VTI1B: variants seen among roughly 807,000 people sequenced by gnomAD.
The protein encoded by VTI1B is vesicle transport through interaction with t-SNAREs 1B.
A neutral mutation model predicts 28.6 loss-of-function variants in VTI1B; 18 were observed. That is an observed-to-expected ratio of 0.63 (90% CI 0.43 to 0.93). The LOEUF (loss-of-function observed/expected upper bound fraction) is 0.93, where lower values mean the gene tolerates loss of function less well. Ranked by LOEUF, VTI1B falls within the 40% of genes least tolerant of loss-of-function variation. The pLI is 0.00. For synonymous variants in VTI1B, 100 were observed against 107.9 expected, an observed-to-expected ratio of 0.93 and a Z score of 0.46; for missense variants, 283 against 297.0, an observed-to-expected ratio of 0.95 and a Z score of 0.35.
intron 1 of VTI1B, among the ~76,000 whole-genome samples, chr14:67,670,209 C>A (rs1486767112): frequency 1.3e-5 from 2 of 152,330 alleles, no homozygotes; most frequent in South Asian, 2.1e-4. Context: ...TAATGCCCTC[C>A]TTCTAAAAGA....
At chr14:67,668,240 A>G (rs1397741653) in intron 1 of VTI1B, among the ~76,000 whole-genome samples, 1 of 152,246 alleles carries the variant, frequency 6.6e-6, no homozygotes, top group Admixed American at 6.5e-5. Context: ...TTAGATTAAG[A>G]AATTATAGCA....
chr14:67,665,012 T>G (rs2037383130), intron 1 of VTI1B, among the ~76,000 whole-genome samples: 1 of 152,010 alleles, frequency 6.6e-6, no homozygotes, highest in South Asian at 2.1e-4. Context: ...GTTACAGGAG[T>G]GCACCACCAC....
intron 1 of VTI1B, among the ~76,000 whole-genome samples, chr14:67,671,236 T>C (rs1389831393): frequency 6.6e-6 from 1 of 151,994 alleles, no homozygotes; most frequent in East Asian, 1.9e-4. Flanking sequence ...CAACTTAGAG[T>C]ATTTTGTGGT....
chr14:67,666,902 T>G (rs2037408491), intron 1 of VTI1B, among the ~76,000 whole-genome samples: 1 of 152,078 alleles, frequency 6.6e-6, no homozygotes, highest in Admixed American at 6.6e-5. Flanking sequence ...TAACAACTGG[T>G]AAAATCTGTT....
In VTI1B at chr14:67,650,683, A is replaced by T; in HGVS notation, c.*702T>A. On this transcript the variant is annotated 3_prime_UTR_variant, in exon 6 of 6. Transcript: ENST00000554659. ...CCTCACTGAGAGTAGCAGCAAGGGA[A>T]CCTGAGGTTTTGTCACACTTTGTTC... The T allele has an allele frequency of 6.2e-7, 1 of 1,602,828 alleles. No individual in the cohort carries two copies. The highest frequency in any genetic ancestry group is 8.5e-7 in the Non-Finnish European group (1 of 1,171,140).
intron 3 of VTI1B, among the ~76,000 whole-genome samples, chr14:67,659,266 G>A (rs1242370333): frequency 1.3e-5 from 2 of 152,076 alleles, no homozygotes; most frequent in East Asian, 3.9e-4. Context: ...TTGACATTAA[G>A]GTAAAGGAAA....
intron 2 of VTI1B, among the ~76,000 whole-genome samples, chr14:67,661,046 CTTCATTGGGATAAGTGGGAAA>C (rs2037327358): frequency 6.6e-6 from 1 of 152,036 alleles, no homozygotes; most frequent in Admixed American, 6.6e-5. Flanking sequence ...CTTCTCAGAA[CTTCATTGGGATAAGTGGGAAA>C]TTGAAACACT....
rs945302666 is a variant in VTI1B, at chr14:67,650,657, C to CAT, written c.*727_*728insAT. On this transcript the variant is annotated 3_prime_UTR_variant, in exon 6 of 6. Coordinates refer to ENST00000554659, the MANE Select transcript of VTI1B (RefSeq NM_006370.3). ...TGTTCTCCCTGTCCCAGTGGGATGA[C>CAT]CCTCACTGAGAGTAGCAGCAAGGGA... is the stretch of plus-strand genomic sequence containing the variant. 6.7e-7 allele frequency: 1 copy of CAT among 1,493,138 alleles called. No individual in the cohort carries two copies. The highest frequency in any genetic ancestry group is 1.4e-5 in the African/African-American group (1 of 72,368). 92.5% of individuals were successfully genotyped at this position (1,493,138 alleles called of 1,614,324 possible). A position where few individuals can be genotyped will look rare whatever the true frequency, so the allele number is the denominator to read the frequency against.
At position 67,662,761 on chromosome 14, in the gene VTI1B, G is replaced by A. The variant is rs369681939; in HGVS notation, c.116-226C>T. Among the ~76,000 whole-genome samples, 47 of 152,038 alleles carry A rather than the reference G, an allele frequency of 3.1e-4. 1 individual carries two copies. The highest frequency in any genetic ancestry group is 6.8e-3 in the Middle Eastern group (2 of 294). ...TCTACTAACGATACAAAAATTAGCC[G>A]GGCGTGGTGGCAGGCACCTGTAATC... On this transcript the variant is annotated intron_variant, in intron 1 of 5. Coordinates refer to ENST00000554659, the MANE Select transcript of VTI1B (RefSeq NM_006370.3).
rs978102345 is a variant in VTI1B, at chr14:67,663,071, C to G, written c.116-536G>C. On this transcript the variant is annotated intron_variant, in intron 1 of 5. Transcript: ENST00000554659. ...TGTCTGGTGTGGTGCTTGTTTTTCT[C>G]TGGGTGTGGCACCGGCAATGACTTG... is the stretch of plus-strand genomic sequence containing the variant. The G allele has an allele frequency of 1.4e-5, 21 of 1,469,210 alleles. No individual in the cohort carries two copies. The African/African-American group carries it at 1.7e-4, about 12-fold the overall frequency. The allele number at this position is 1,469,210 out of a possible 1,614,324, so 91.0% of individuals were successfully genotyped here.
At chr14:67,661,538 T>C (rs1594837985) in intron 2 of VTI1B, among the ~76,000 whole-genome samples, 4 of 147,454 alleles carry the variant, frequency 2.7e-5, no homozygotes, top group African/African-American at 1.0e-4. Flanking sequence ...CCTTTTTTTT[T>C]TTTTTTTTTT....
chr14:67,657,624 C>CACACACA lies in VTI1B; in HGVS notation c.367-1036_367-1035insTGTGTGT, dbSNP rs1566812567. ...CACACACACACACACACACACACAC[C>CACACACA]CAAAATCAAAAGGGACCCAGCTCAC... On this transcript the variant is annotated intron_variant, in intron 3 of 5. Transcript: ENST00000554659. 7.2e-3 allele frequency among the ~76,000 whole-genome samples: 1,029 copies of CACACACA among 143,146 alleles called. 5 individuals carry two copies. Among genetic ancestry groups the CACACACA allele is most frequent in the Middle Eastern group, 0.019 (5 of 266 alleles). The allele number at this position is 143,146 out of a possible 152,430, so 93.9% of individuals were successfully genotyped here. A position where few individuals can be genotyped will look rare whatever the true frequency, so the allele number is the denominator to read the frequency against.
intron 2 of VTI1B, chr14:67,660,138 T>C (rs901833080): frequency 4.2e-6 from 2 of 480,348 alleles, no homozygotes; most frequent in South Asian, 6.9e-5. Flanking sequence ...TTCGAGTATA[T>C]GAACTGAATG....
chr14:67,650,950 C>A lies in VTI1B; in HGVS notation c.*435G>T, dbSNP rs1356498547. On this transcript the variant is annotated 3_prime_UTR_variant, in exon 6 of 6. Transcript: ENST00000554659. Reference sequence around the variant, plus strand: ...CACTGTGCACTGACATGTTTCACAACAGGCATTCCAGAATTATGAGGCATT... The same window carrying A: ...CACTGTGCACTGACATGTTTCACAAAAGGCATTCCAGAATTATGAGGCATT... 2 of 1,597,806 alleles carry A rather than the reference C, an allele frequency of 1.3e-6. No individual in the cohort carries two copies. Among genetic ancestry groups the A allele is most frequent in the African/African-American group, 2.7e-5 (2 of 74,590 alleles).
At chr14:67,674,211 T>C (rs1051767217) in intron 1 of VTI1B, among the ~76,000 whole-genome samples, 164 bp downstream of exon 1, 1 of 152,144 alleles carries the variant, frequency 6.6e-6, no homozygotes, top group Non-Finnish European at 1.5e-5. Context: ...TTACTCTCAG[T>C]GGCAGCAGGG....
At chr14:67,657,842 G>A (rs1046244855) in intron 3 of VTI1B, among the ~76,000 whole-genome samples, 5 of 147,596 alleles carry the variant, frequency 3.4e-5, no homozygotes, top group East Asian at 2.0e-4. Flanking sequence ...TCTGCCTCCC[G>A]GGCACAAGCA....
chr14:67,651,256 C>T lies in VTI1B; in HGVS notation c.*129G>A, dbSNP rs2037171731. 1 of 1,541,332 alleles carries T rather than the reference C, an allele frequency of 6.5e-7. No individual in the cohort carries two copies. The highest frequency in any genetic ancestry group is 2.3e-5 in the East Asian group (1 of 43,816). On this transcript the variant is annotated 3_prime_UTR_variant, in exon 6 of 6. Coordinates refer to ENST00000554659, the MANE Select transcript of VTI1B (RefSeq NM_006370.3). ...TTTTCATCTTTCCTCCCTCCTCCCA[C>T]AGCCTGGCTATACAGTGCATCCTTG... is the stretch of plus-strand genomic sequence containing the variant.
intron 1 of VTI1B, among the ~76,000 whole-genome samples, chr14:67,673,950 T>A (rs1198380972): frequency 1.3e-5 from 2 of 152,224 alleles, no homozygotes; most frequent in African/African-American, 2.4e-5. Flanking sequence ...CCCCAAATTA[T>A]GACTCCTTTG....
At chr14:67,671,160 T>C (rs927667031) in intron 1 of VTI1B, among the ~76,000 whole-genome samples, 3 of 152,200 alleles carry the variant, frequency 2.0e-5, no homozygotes, top group Non-Finnish European at 4.4e-5. Context: ...GTTGGACTTA[T>C]TATAATTCTA....
Sources: allele counts gnomAD v4.1 joint callset (sites outside exome capture counted in the v4.1 genomes callset), GRCh38; gene constraint gnomAD v4.1.1; transcripts MANE v1.5; gene names NCBI Gene and HGNC (gene_info 2026-07-23, HGNC 2026-07-21).